GPR107: variants seen among roughly 807,000 people sequenced by gnomAD.
GPR107 encodes the protein G protein-coupled receptor 107.
A neutral mutation model predicts 75.5 loss-of-function variants in GPR107; 31 were observed. That is an observed-to-expected ratio of 0.41 (90% CI 0.31 to 0.55). The LOEUF (loss-of-function observed/expected upper bound fraction) is 0.55. Among genes scored for constraint, GPR107 ranks in the 20% least tolerant of loss-of-function variants. The pLI, the probability that GPR107 is intolerant of heterozygous loss-of-function variation, is 0.26. For synonymous variants in GPR107, 267 were observed against 251.3 expected, an observed-to-expected ratio of 1.06 and a Z score of -0.59; for missense variants, 572 against 665.7, an observed-to-expected ratio of 0.86 and a Z score of 1.55.
intron 17 of GPR107, among the ~76,000 whole-genome samples, 187 bp from the exon 18 acceptor site, chr9:130,134,838 C>T (rs1554899688): frequency 6.6e-6 from 1 of 152,196 alleles, no homozygotes; most frequent in Admixed American, 6.5e-5. Flanking sequence ...TACTTAAGCA[C>T]AGAGAGTTCA....
At chr9:130,063,212 A>T (rs1829973761) in intron 1 of GPR107, among the ~76,000 whole-genome samples, 1 of 150,472 alleles carries the variant, frequency 6.6e-6, no homozygotes, top group Non-Finnish European at 1.5e-5. Flanking sequence ...TTTTTTTGAG[A>T]CGGAGTCTCG....
At position 130,128,996 on chromosome 9, in the gene GPR107, A is replaced by C. The variant is rs1299097899; in HGVS notation, c.1562+235A>C. 1.2e-5 allele frequency: 5 copies of C among 431,246 alleles called. No individual in the cohort carries two copies. In the East Asian group the frequency reaches 2.2e-4, roughly 19 times the overall value. 26.7% of individuals were successfully genotyped at this position (431,246 alleles called of 1,614,324 possible). ...GGAAGATGGAACTTGCCGTTCCACTAAGCATCATTGGAGCCTGCTTTCAAG... is the reference window on the plus strand; with the variant it reads ...GGAAGATGGAACTTGCCGTTCCACTCAGCATCATTGGAGCCTGCTTTCAAG... On this transcript the variant is annotated intron_variant, in intron 17 of 17. Transcript: ENST00000347136.
chr9:130,093,439 C>T (rs568599355), intron 9 of GPR107, among the ~76,000 whole-genome samples: 2 of 152,244 alleles, frequency 1.3e-5, no homozygotes, highest in African/African-American at 4.8e-5. Flanking sequence ...AATAATTAAG[C>T]ACCCTGAAAT....
intron 14 of GPR107, among the ~76,000 whole-genome samples, chr9:130,119,866 G>A (rs886210898): frequency 1.3e-5 from 2 of 151,578 alleles, no homozygotes; most frequent in Admixed American, 1.3e-4. Context: ...ACTGAGACAG[G>A]TACTCACTCA....
In GPR107 at chr9:130,104,479, T is replaced by C. The variant is rs150908439; in HGVS notation, c.1191T>C (p.Tyr397=). ...CCACCGAGGAGGGCACGACTGAATA[T>C]GGCTTGTGGAAGGACTCTCTATTTC... The part of the protein sequence containing the change: ...IESTEEGTTE[Y]GLWKDSLFLV... The change falls in exon 13 of 18, where the codon TAT becomes TAC. Residue 397 remains tyrosine (Y), a synonymous_variant. Transcript: ENST00000347136. The C allele has an allele frequency of 5.1e-4, 816 of 1,612,942 alleles. No individual in the cohort carries two copies. The highest frequency in any genetic ancestry group is 5.7e-4 in the Non-Finnish European group (676 of 1,179,018).
intron 6 of GPR107, 103 bp downstream of exon 6, chr9:130,083,705 C>A: frequency 1.6e-6 from 1 of 614,912 alleles, no homozygotes; most frequent in Non-Finnish European, 2.6e-6. Flanking sequence ...TACATACATG[C>A]ATGCACAGAC....
chr9:130,054,938 A>G (rs970632472), intron 1 of GPR107, among the ~76,000 whole-genome samples: 1 of 152,112 alleles, frequency 6.6e-6, no homozygotes, highest in Non-Finnish European at 1.5e-5. Context: ...AAAAATTAAA[A>G]ATTAACCAGG....
chr9:130,130,408 A>G (rs1831793338), intron 17 of GPR107, among the ~76,000 whole-genome samples: 1 of 152,192 alleles, frequency 6.6e-6, no homozygotes, highest in Non-Finnish European at 1.5e-5. Flanking sequence ...TGGGGTTCCC[A>G]TTCCAGAACG....
intron 14 of GPR107, among the ~76,000 whole-genome samples, chr9:130,108,050 T>C (rs980741046): frequency 4.6e-5 from 7 of 152,210 alleles, no homozygotes; most frequent in African/African-American, 9.7e-5. Flanking sequence ...CCCTTTTGCA[T>C]CTCCTTGACT....
At chr9:130,117,768 G>GA (rs926993441) in intron 14 of GPR107, among the ~76,000 whole-genome samples, 5 of 152,034 alleles carry the variant, frequency 3.3e-5, no homozygotes, top group Admixed American at 2.6e-4. Context: ...AGAGTAGGTG[G>GA]GGGTGTTTTA....
intron 15 of GPR107, among the ~76,000 whole-genome samples, chr9:130,125,974 G>A (rs557302306): frequency 6.6e-6 from 1 of 150,628 alleles, no homozygotes; most frequent in Admixed American, 6.7e-5. Flanking sequence ...AGAATCGCTT[G>A]AACCCAGGAG....
At chr9:130,073,886 G>C (rs555749137) in intron 1 of GPR107, among the ~76,000 whole-genome samples, 1 of 152,334 alleles carries the variant, frequency 6.6e-6, no homozygotes, top group South Asian at 2.1e-4. Context: ...CTCCCAAGTA[G>C]CTGGGATTAC....
intron 7 of GPR107, 37 bp downstream of exon 7, chr9:130,086,513 C>T: frequency 8.3e-7 from 1 of 1,198,012 alleles, no homozygotes; most frequent in Non-Finnish European, 1.2e-6. Context: ...CCTAGAATTT[C>T]TCTCTACCAT....
At chr9:130,060,957 A>G (rs1829913571) in intron 1 of GPR107, among the ~76,000 whole-genome samples, 1 of 152,214 alleles carries the variant, frequency 6.6e-6, no homozygotes, top group Non-Finnish European at 1.5e-5. Context: ...ATGAAAAGAT[A>G]AGTTAAAGCA....
intron 14 of GPR107, chr9:130,114,501 G>C (rs1831377578): frequency 2.8e-6 from 1 of 361,258 alleles, no homozygotes; most frequent in Non-Finnish European, 5.4e-6. Context: ...TCTCATCTTA[G>C]TCTCCCAAGT....
intron 17 of GPR107, among the ~76,000 whole-genome samples, chr9:130,133,589 A>C (rs181165184): frequency 6.6e-6 from 1 of 152,328 alleles, no homozygotes; most frequent in East Asian, 1.9e-4. Flanking sequence ...AGCCCTGTGC[A>C]CATGGATCCC....
chr9:130,062,017 T>G (rs927803625), intron 1 of GPR107, among the ~76,000 whole-genome samples: 1 of 152,062 alleles, frequency 6.6e-6, no homozygotes, highest in Admixed American at 6.6e-5. Context: ...AAGAGATTGA[T>G]TGTTCGTGTG....
intron 1 of GPR107, among the ~76,000 whole-genome samples, chr9:130,071,035 C>CTTTTTTTTTTTTTTTTTTTT (rs56799662): frequency 2.0e-5 from 2 of 98,178 alleles, no homozygotes; most frequent in Non-Finnish European, 3.6e-5. Flanking sequence ...TTTTTTTTTT[C>CTTTTTTTTTTTTTTTTTTTT]TTTTTTTTTT....
At chr9:130,104,391 G>A (rs2132615056) in intron 12 of GPR107, 29 bp from the exon 13 acceptor site, 1 of 1,610,882 alleles carries the variant, frequency 6.2e-7, no homozygotes, top group Non-Finnish European at 8.5e-7. Context: ...CCCATGCTTT[G>A]GGGCCTCAGC....
Sources: allele counts gnomAD v4.1 joint callset (sites outside exome capture counted in the v4.1 genomes callset), GRCh38; gene constraint gnomAD v4.1.1; transcripts MANE v1.5; gene names NCBI Gene and HGNC (gene_info 2026-07-23, HGNC 2026-07-21).